The following GRM5 variants were observed in gnomAD, a reference collection of about 807,000 sequenced individuals.
The protein encoded by GRM5 is glutamate metabotropic receptor 5.
Under a neutral mutation model 83.1 loss-of-function variants are expected in GRM5, and 19 were observed. That is an observed-to-expected ratio of 0.23 (90% confidence interval 0.16 to 0.34). The LOEUF is 0.34. GRM5 is among the 10% of genes least tolerant of loss of function. The pLI is 1.00. For synonymous variants in GRM5, 675 were observed against 633.6 expected (o/e 1.07, Z -0.98); for missense variants, 1,160 against 1,588.3 (o/e 0.73, Z 4.58).
chr11:88,923,383 C>G (rs1449270660), intron 2 of GRM5, among the ~76,000 whole-genome samples: 2 of 152,066 alleles, frequency 1.3e-5, no homozygotes, highest in African/African-American at 2.4e-5. Context: ...AAAAATGAGA[C>G]CCTGTCATGT....
chr11:88,930,546 G>T (rs12419299), intron 2 of GRM5, among the ~76,000 whole-genome samples: 2,637 of 151,938 alleles, frequency 0.017, 45 homozygotes, highest in East Asian at 0.067. Context: ...TTTTGAGATG[G>T]GAGTTTCGCT....
At chr11:88,623,363 C>T (rs1019708533) in intron 4 of GRM5, among the ~76,000 whole-genome samples, 2 of 152,144 alleles carry the variant, frequency 1.3e-5, no homozygotes, top group African/African-American at 4.8e-5. Context: ...CTCCTGACCT[C>T]AGGTGACCCG....
intron 2 of GRM5, among the ~76,000 whole-genome samples, chr11:89,034,908 A>G (rs1941349911): frequency 7.5e-6 from 1 of 133,844 alleles, no homozygotes; most frequent in South Asian, 2.3e-4. Flanking sequence ...TATCAATTTT[A>G]TATAAATACA....
At chr11:88,710,623 A>G (rs1231231012) in intron 3 of GRM5, among the ~76,000 whole-genome samples, 1 of 152,100 alleles carries the variant, frequency 6.6e-6, no homozygotes, top group African/African-American at 2.4e-5. Flanking sequence ...TTCAAGAAAA[A>G]TTTGAAGAAG....
At chr11:88,661,522 C>T (rs1036078645) in intron 3 of GRM5, among the ~76,000 whole-genome samples, 7 of 151,848 alleles carry the variant, frequency 4.6e-5, no homozygotes. Context: ...GTTCTACCCA[C>T]ATGTAATCAT....
chr11:88,865,239 C>T (rs1944642129), intron 2 of GRM5, among the ~76,000 whole-genome samples: 1 of 152,046 alleles, frequency 6.6e-6, no homozygotes, highest in Admixed American at 6.6e-5. Context: ...AGAACAGAGG[C>T]CTCAGAAATA....
At chr11:88,970,660 C>A (rs750204333) in intron 2 of GRM5, among the ~76,000 whole-genome samples, 1 of 152,324 alleles carries the variant, frequency 6.6e-6, no homozygotes, top group African/African-American at 2.4e-5. Flanking sequence ...TCAGGGCCCA[C>A]TTTGGGCCAA....
intron 2 of GRM5, among the ~76,000 whole-genome samples, chr11:89,024,023 G>T (rs749520213): frequency 6.6e-6 from 1 of 151,890 alleles, no homozygotes; most frequent in Non-Finnish European, 1.5e-5. Flanking sequence ...CAAGACCAGC[G>T]TGGCCAACGT....
intron 6 of GRM5, among the ~76,000 whole-genome samples, chr11:88,592,626 A>C (rs1937667231): frequency 2.6e-5 from 4 of 152,236 alleles, no homozygotes; most frequent in African/African-American, 7.2e-5. Context: ...TTTTCCAAGA[A>C]GAATTCCAAC....
At chr11:88,775,652 T>C (rs1022399582) in intron 3 of GRM5, among the ~76,000 whole-genome samples, 4 of 152,238 alleles carry the variant, frequency 2.6e-5, no homozygotes, top group Non-Finnish European at 5.9e-5. Flanking sequence ...TTTGTTCTCA[T>C]TGGTTTCAAA....
At chr11:88,634,236 T>C (rs1473266421) in intron 4 of GRM5, among the ~76,000 whole-genome samples, 4 of 152,202 alleles carry the variant, frequency 2.6e-5, no homozygotes, top group East Asian at 1.9e-4. Flanking sequence ...TATGCCACTA[T>C]GACTTTATAA....
chr11:89,010,427 T>A (rs1411143679), intron 2 of GRM5, among the ~76,000 whole-genome samples: 1 of 152,108 alleles, frequency 6.6e-6, no homozygotes, highest in Non-Finnish European at 1.5e-5. Flanking sequence ...ATAAACCCTA[T>A]GAGTATAAGC....
intron 3 of GRM5, among the ~76,000 whole-genome samples, chr11:88,728,029 A>C (rs1434807884): frequency 6.6e-6 from 1 of 152,198 alleles, no homozygotes; most frequent in Non-Finnish European, 1.5e-5. Context: ...CTTAGATCAG[A>C]GGAAAACTAA....
intron 7 of GRM5, among the ~76,000 whole-genome samples, chr11:88,589,950 CAT>C (rs1322087157): frequency 6.6e-6 from 1 of 151,880 alleles, no homozygotes; most frequent in Non-Finnish European, 1.5e-5. Flanking sequence ...TGAAAGGAAT[CAT>C]ATTCTGTTTA....
intron 3 of GRM5, among the ~76,000 whole-genome samples, chr11:88,777,700 G>A (rs1383840474): frequency 6.6e-6 from 1 of 152,174 alleles, no homozygotes; most frequent in African/African-American, 2.4e-5. Flanking sequence ...TCCCTCAGCT[G>A]CAGGTCAGTT....
At chr11:88,753,906 C>T (rs188088111) in intron 3 of GRM5, among the ~76,000 whole-genome samples, 75 of 152,212 alleles carry the variant, frequency 4.9e-4, no homozygotes, top group African/African-American at 1.7e-3. Context: ...AGGGAAACTC[C>T]CGTTTTTAAA....
At chr11:89,043,537 T>C (rs1941578489) in intron 2 of GRM5, among the ~76,000 whole-genome samples, 1 of 152,106 alleles carries the variant, frequency 6.6e-6, no homozygotes, top group Non-Finnish European at 1.5e-5. Flanking sequence ...TTCTGTTTTA[T>C]TTCATATTCG....
At chr11:88,965,720 T>C (rs894034764) in intron 2 of GRM5, among the ~76,000 whole-genome samples, 1 of 152,088 alleles carries the variant, frequency 6.6e-6, no homozygotes, top group Non-Finnish European at 1.5e-5. Context: ...AATCTTAATT[T>C]GGTATGTAGC....
At chr11:88,583,872 C>CCTTTTTTCTG (rs1394417293) in intron 7 of GRM5, among the ~76,000 whole-genome samples, 10 of 152,280 alleles carry the variant, frequency 6.6e-5, no homozygotes, top group African/African-American at 2.4e-4. Context: ...AACCAGACTA[C>CCTTTTTTCTG]ATTTTTCTGA....
Sources: allele counts gnomAD v4.1 joint callset (sites outside exome capture counted in the v4.1 genomes callset), GRCh38; gene constraint gnomAD v4.1.1; transcripts MANE v1.5; gene names NCBI Gene and HGNC (gene_info 2026-07-23, HGNC 2026-07-21).